The following MRPS35 variants were observed in gnomAD, a reference collection of about 807,000 sequenced individuals.
MRPS35 encodes the protein small ribosomal subunit protein mS35.
A neutral mutation model predicts 32.7 loss-of-function variants in MRPS35; 29 were observed. That is an observed-to-expected ratio of 0.89 (90% CI 0.66 to 1.21). MRPS35 has a LOEUF of 1.21. Among genes scored for constraint, MRPS35 ranks in the 50% most tolerant of loss-of-function variants. The probability of loss-of-function intolerance (pLI) is 0.00; values close to 1 mark genes in which losing one functional copy is unlikely to be tolerated. For missense variants in MRPS35, 373 were observed against 383.8 expected, an observed-to-expected ratio of 0.97 and a Z score of 0.23; for synonymous variants, 148 against 139.3, an observed-to-expected ratio of 1.06 and a Z score of -0.44.
chr12:27,742,699 G>C (rs1306114072), intron 7 of MRPS35, among the ~76,000 whole-genome samples: 3 of 152,204 alleles, frequency 2.0e-5, no homozygotes, highest in Non-Finnish European at 4.4e-5. Flanking sequence ...GAAGCTCGTC[G>C]TAGTGCTTAT....
rs376042667 is a variant in MRPS35, at chr12:27,724,084, C to T, written c.420C>T (p.Asp140=). ...AGTGGCCAGCCGCACTGGACAGTGACGAGAAATGTGAGAAGCATTTTCCAA... is the reference window on the plus strand; with the variant it reads ...AGTGGCCAGCCGCACTGGACAGTGATGAGAAATGTGAGAAGCATTTTCCAA... The part of the protein sequence containing the change: ...CTEWPAALDS[D]EKCEKHFPIE... Residue 140 remains aspartate (D), a synonymous_variant, in exon 5 of 8, where the codon GAC becomes GAT. Transcript: ENST00000081029. 62 of 1,612,020 alleles carry T rather than the reference C, an allele frequency of 3.8e-5. No individual in the cohort carries two copies. The East Asian group carries it at 4.7e-4, about 12-fold the overall frequency.
chr12:27,715,343 G>C (rs967427055), intron 2 of MRPS35, among the ~76,000 whole-genome samples: 1 of 152,082 alleles, frequency 6.6e-6, no homozygotes, highest in Non-Finnish European at 1.5e-5. Context: ...CACCATGTTG[G>C]TCAGGCTGGT....
At chr12:27,714,695 G>T in intron 1 of MRPS35, 85 bp from the exon 2 acceptor site, 4 of 923,568 alleles carry the variant, frequency 4.3e-6, no homozygotes, top group Non-Finnish European at 6.7e-6. Context: ...AATTGTGTTA[G>T]AATAATGGGA....
rs2061867015 is a variant in MRPS35, at chr12:27,720,002, G to C, written c.382+134G>C. On this transcript the variant is annotated intron_variant, in intron 4 of 7. Transcript: ENST00000081029. ...TTGTTACATGTCAAGTCTGCAAATTGTTTTTGCTAACCACTACAAGGTATT... is the reference window on the plus strand; with the variant it reads ...TTGTTACATGTCAAGTCTGCAAATTCTTTTTGCTAACCACTACAAGGTATT... The C allele has an allele frequency of 4.6e-6, 3 of 650,914 alleles. 1 individual carries two copies. The East Asian group carries it at 8.4e-5, about 18-fold the overall frequency. The allele number at this position is 650,914 out of a possible 1,614,324, so 40.3% of individuals were successfully genotyped here.
intron 6 of MRPS35, 26 bp from the exon 7 acceptor site, chr12:27,737,513 G>T: frequency 6.3e-7 from 1 of 1,597,126 alleles, no homozygotes; most frequent in South Asian, 1.1e-5. Context: ...TTAGAATTTT[G>T]ACTTCTCCCG....
intron 1 of MRPS35, among the ~76,000 whole-genome samples, chr12:27,711,832 TA>T (rs1566045577): frequency 1.3e-5 from 1 of 79,780 alleles, no homozygotes; most frequent in Non-Finnish European, 2.8e-5. Context: ...ATAAATACAT[TA>T]ATCCTTCATA....
chr12:27,749,329 C>CAA (rs35621557), intron 7 of MRPS35, among the ~76,000 whole-genome samples: 14 of 148,044 alleles, frequency 9.5e-5, no homozygotes, highest in Non-Finnish European at 1.5e-4. Context: ...GGAAACTTAC[C>CAA]AAAAAAAAAG....
Position 27,714,668 on chromosome 12 carries a change from T to C in MRPS35, c.113-112T>C, listed in dbSNP as rs564319738. ...AAAAAAAAAGATTGTTTCATTGTTA[T>C]GTTACTAAATACCTTAAATTGTGTT... On this transcript the variant is annotated intron_variant, in intron 1 of 7. Transcript: ENST00000081029. The C allele has an allele frequency of 5.2e-5, 40 of 764,812 alleles. No homozygotes were observed. In the East Asian group the frequency reaches 1.1e-3, roughly 22 times the overall value. The allele number at this position is 764,812 out of a possible 1,614,324, so 47.4% of individuals were successfully genotyped here.
chr12:27,719,438 G>A (rs987317937), intron 3 of MRPS35, among the ~76,000 whole-genome samples: 2 of 152,060 alleles, frequency 1.3e-5, no homozygotes, highest in African/African-American at 4.8e-5. Flanking sequence ...AGGCCGAGGC[G>A]GGTGGATCAT....
chr12:27,732,985 AAGATATATATAT>A (rs2061927443), intron 5 of MRPS35, among the ~76,000 whole-genome samples: 1 of 71,728 alleles, frequency 1.4e-5, no homozygotes, highest in African/African-American at 5.5e-5. Context: ...TAGTCATTTG[AAGATATATATAT>A]ATATATATAT....
intron 3 of MRPS35, among the ~76,000 whole-genome samples, chr12:27,718,997 G>A (rs2061862002): frequency 6.6e-6 from 1 of 152,166 alleles, no homozygotes; most frequent in Non-Finnish European, 1.5e-5. Context: ...TGAGGGAGGA[G>A]AATTGCTTGA....
At chr12:27,716,560 CAG>C in intron 3 of MRPS35, 102 bp downstream of exon 3, 3 of 1,085,022 alleles carry the variant, frequency 2.8e-6, no homozygotes, top group South Asian at 3.0e-5. Context: ...CAGTGTATAG[CAG>C]CTTAGTGTAT....
chr12:27,724,202 ATTT>A lies in MRPS35; in HGVS notation c.522+26_522+28del. The A allele has an allele frequency of 1.6e-6, 2 of 1,219,372 alleles. No individual in the cohort carries two copies. The highest frequency in any genetic ancestry group is 1.6e-5 in the South Asian group (1 of 61,462). The allele number at this position is 1,219,372 out of a possible 1,614,324, so 75.5% of individuals were successfully genotyped here. On this transcript the variant is annotated intron_variant, in intron 5 of 7. Transcript: ENST00000081029. The stretch of plus-strand genomic sequence containing the variant: ...AGTCTTAAGAGTAAGAGTTTTTTTC[ATTT>A]TTTTTTTTTAAATAAGAATCATTCT...
chr12:27,719,230 T>C (rs921868408), intron 3 of MRPS35, among the ~76,000 whole-genome samples: 1 of 152,204 alleles, frequency 6.6e-6, no homozygotes, highest in African/African-American at 2.4e-5. Flanking sequence ...TGATTGTCAT[T>C]ATAAGATGCT....
intron 2 of MRPS35, among the ~76,000 whole-genome samples, chr12:27,715,382 C>T (rs1023373444): frequency 6.6e-6 from 1 of 152,154 alleles, no homozygotes; most frequent in African/African-American, 2.4e-5. Context: ...GGTGATCCAC[C>T]CGCCTCAGTG....
chr12:27,719,141 A>G (rs2140755606), intron 3 of MRPS35, among the ~76,000 whole-genome samples: 1 of 152,332 alleles, frequency 6.6e-6, no homozygotes. Context: ...TTTCAGTTTT[A>G]TAAAGGAAAT....
intron 7 of MRPS35, among the ~76,000 whole-genome samples, chr12:27,739,165 T>C (rs2061954082): frequency 1.3e-5 from 2 of 152,238 alleles, no homozygotes; most frequent in African/African-American, 4.8e-5. Context: ...CCCGAAGTGC[T>C]GGGATTACAG....
chr12:27,723,920 C>A (rs2061887439), intron 4 of MRPS35, 127 bp from the exon 5 acceptor site: 2 of 872,308 alleles, frequency 2.3e-6, no homozygotes, highest in Non-Finnish European at 3.4e-6. Context: ...ATGTAAAGTG[C>A]AGAAGAGAAT....
intron 4 of MRPS35, among the ~76,000 whole-genome samples, chr12:27,722,176 ATTGCGTC>A (rs1324971465): frequency 6.6e-6 from 1 of 152,186 alleles, no homozygotes; most frequent in Non-Finnish European, 1.5e-5. Context: ...CCGGATTCAG[ATTGCGTC>A]TTCCGTATAA....
Sources: gnomAD v4.1 joint callset for allele counts (sites outside exome capture counted in the v4.1 genomes callset) on GRCh38, gnomAD v4.1.1 for gene constraint, MANE v1.5 for transcripts, NCBI Gene and HGNC (gene_info 2026-07-23, HGNC 2026-07-21) for gene names.